RBM26: variants seen among roughly 807,000 people sequenced by gnomAD.
RBM26 encodes RNA-binding protein 26.
RBM26 carries 30 observed loss-of-function variants against 123.6 expected under a neutral mutation model. That is an observed-to-expected ratio of 0.24 (90% CI 0.18 to 0.33). RBM26 has a LOEUF of 0.33. Among genes scored for constraint, RBM26 ranks in the 10% least tolerant of loss-of-function variants. RBM26 has a pLI of 1.00. For missense variants in RBM26, 947 were observed against 1,203.6 expected, an observed-to-expected ratio of 0.79 and a Z score of 3.15; for synonymous variants, 400 against 404.4, an observed-to-expected ratio of 0.99 and a Z score of 0.13.
intron 3 of RBM26, among the ~76,000 whole-genome samples, chr13:79,373,533 T>TTA (rs1488579923): frequency 7.8e-5 from 2 of 25,602 alleles, no homozygotes; most frequent in Non-Finnish European, 1.5e-4. Context: ...CTATATATAT[T>TTA]TATATAATAT....
intron 9 of RBM26, among the ~76,000 whole-genome samples, chr13:79,365,310 T>C (rs558535445): frequency 1.5e-3 from 226 of 152,180 alleles, no homozygotes; most frequent in African/African-American, 5.2e-3. Flanking sequence ...CTGGGCATGG[T>C]GGCAGGCACT....
intron 20 of RBM26, among the ~76,000 whole-genome samples, chr13:79,328,189 A>G (rs1364306939): frequency 6.6e-6 from 1 of 152,136 alleles, no homozygotes; most frequent in African/African-American, 2.4e-5. Context: ...CAAGATTCTG[A>G]AAGTGAGTAA....
chr13:79,365,077 C>A (rs149739026), intron 9 of RBM26, among the ~76,000 whole-genome samples: 10 of 152,032 alleles, frequency 6.6e-5, no homozygotes, highest in African/African-American at 2.2e-4. Flanking sequence ...AAAGTGTCAC[C>A]TCTACCACAA....
chr13:79,359,172 C>A (rs549988546), intron 10 of RBM26, among the ~76,000 whole-genome samples: 2 of 152,148 alleles, frequency 1.3e-5, no homozygotes, highest in African/African-American at 2.4e-5. Flanking sequence ...CTCCAACCCC[C>A]ACAAAAGCCC....
intron 11 of RBM26, among the ~76,000 whole-genome samples, chr13:79,357,973 C>T (rs1279038361): frequency 6.6e-6 from 1 of 151,532 alleles, no homozygotes; most frequent in Non-Finnish European, 1.5e-5. Flanking sequence ...ACCTTAGCCT[C>T]CCAGATTCAA....
intron 11 of RBM26, 61 bp downstream of exon 11, chr13:79,358,213 T>C: frequency 7.4e-7 from 1 of 1,349,842 alleles, no homozygotes; most frequent in East Asian, 2.5e-5. Context: ...GGTAGTTTTC[T>C]TATTACATTA....
At chr13:79,372,200 A>C (rs9530905) in intron 3 of RBM26, among the ~76,000 whole-genome samples, 54,803 of 152,040 alleles carry the variant, frequency 0.36, 11,597 homozygotes, top group Middle Eastern at 0.52. Context: ...AATCGCTTGA[A>C]CCTGGCAGGC....
chr13:79,322,722 A>C (rs2067827188), intron 20 of RBM26, among the ~76,000 whole-genome samples: 1 of 151,576 alleles, frequency 6.6e-6, no homozygotes, highest in African/African-American at 2.4e-5. Flanking sequence ...TTCTCATAAT[A>C]AAATATAGCT....
At chr13:79,368,689 A>T in intron 6 of RBM26, 41 bp downstream of exon 6, 3 of 1,569,082 alleles carry the variant, frequency 1.9e-6, no homozygotes, top group Non-Finnish European at 2.6e-6. Context: ...GGCAGCTGGA[A>T]ATATTAATTA....
At position 79,337,274 on chromosome 13, in the gene RBM26, C is replaced by A. The variant is rs1171276644; in HGVS notation, c.2561G>T (p.Gly854Val). Residue 854 changes from glycine to valine, a missense_variant, in exon 19 of 22, where the codon GGT becomes GTT. Gly to Val is a moderately radical substitution (Grantham distance 109). This residue lies in a region of RBM26 where 164 missense variants were observed against 215.3 expected (regional missense o/e 0.76). Coordinates refer to ENST00000438737, the MANE Select transcript of RBM26 (RefSeq NM_001366735.2). ...TCTTGAATGAATTCCTCTGCCCCGA[C>A]CAGATGAAAGAATCCCTCGTTTGGC... ...EAAKRGILSS[G>V]RGRGIHSRGR... is the part of the protein sequence containing the mutation. 1 of 1,614,124 alleles carries A rather than the reference C, an allele frequency of 6.2e-7. No individual in the cohort carries two copies. The highest frequency in any genetic ancestry group is 1.7e-5 in the Admixed American group (1 of 60,006).
chr13:79,404,657 T>G (rs2079362239), intron 1 of RBM26, among the ~76,000 whole-genome samples: 1 of 152,162 alleles, frequency 6.6e-6, no homozygotes, highest in Non-Finnish European at 1.5e-5. Context: ...GCTCTTCCTT[T>G]TGCAAGGAAT....
At position 79,320,383 on chromosome 13, in the gene RBM26, A is replaced by C. The variant is rs1317426335; in HGVS notation, c.*238T>G. ...TGTCCAGTAGAAGTATGTAATAAAA[A>C]CATTGCATATGTTTCTAGTGTGATG... On this transcript the variant is annotated 3_prime_UTR_variant, in exon 22 of 22. Coordinates refer to ENST00000438737, the MANE Select transcript of RBM26 (RefSeq NM_001366735.2). 2.3e-5 allele frequency: 26 copies of C among 1,129,390 alleles called. No individual in the cohort carries two copies. The highest frequency in any genetic ancestry group is 2.5e-5 in the Non-Finnish European group (23 of 921,432). 70.0% of individuals were successfully genotyped at this position (1,129,390 alleles called of 1,614,324 possible). A position where few individuals can be genotyped will look rare whatever the true frequency, so the allele number is the denominator to read the frequency against.
intron 4 of RBM26, among the ~76,000 whole-genome samples, 157 bp from the exon 5 acceptor site, chr13:79,371,319 TC>T (rs1423992182): frequency 6.6e-6 from 1 of 152,184 alleles, no homozygotes; most frequent in African/African-American, 2.4e-5. Flanking sequence ...GTACTTTAAA[TC>T]CCTTTTAAAT....
intron 1 of RBM26, among the ~76,000 whole-genome samples, chr13:79,393,526 C>T (rs997806623): frequency 3.3e-5 from 5 of 152,198 alleles, no homozygotes; most frequent in Non-Finnish European, 7.3e-5. Flanking sequence ...CAGCAGGTAA[C>T]ATACATCAGT....
chr13:79,365,554 G>C, intron 9 of RBM26, 24 bp downstream of exon 9: 1 of 1,582,570 alleles, frequency 6.3e-7, no homozygotes, highest in Non-Finnish European at 8.7e-7. Flanking sequence ...GAAAATGACA[G>C]GAAGGAAAGA....
At chr13:79,341,042 G>A (rs1031020630) in intron 18 of RBM26, 81 bp downstream of exon 18, 2 of 718,442 alleles carry the variant, frequency 2.8e-6, no homozygotes, top group East Asian at 2.7e-5. Flanking sequence ...AGAATGAAGG[G>A]AAGGGAATAT....
At chr13:79,392,834 G>T (rs547351339) in intron 1 of RBM26, among the ~76,000 whole-genome samples, 1 of 149,546 alleles carries the variant, frequency 6.7e-6, no homozygotes, top group East Asian at 1.9e-4. Context: ...CTATATTCTA[G>T]AAAGTGACAA....
intron 3 of RBM26, among the ~76,000 whole-genome samples, chr13:79,375,013 A>C (rs969928202): frequency 7.7e-6 from 1 of 129,560 alleles, no homozygotes; most frequent in Non-Finnish European, 1.7e-5. Context: ...CATATAATAT[A>C]TATATTATAT....
At chr13:79,350,276 A>G (rs1355659704) in intron 14 of RBM26, among the ~76,000 whole-genome samples, 1 of 152,192 alleles carries the variant, frequency 6.6e-6, no homozygotes, top group African/African-American at 2.4e-5. Flanking sequence ...CATAAATCTG[A>G]TATTTAAAGC....
Sources: allele counts gnomAD v4.1 joint callset (sites outside exome capture counted in the v4.1 genomes callset), GRCh38; gene constraint gnomAD v4.1.1; regional missense constraint gnomAD v4.1.1; transcripts MANE v1.5; gene names NCBI Gene and HGNC (gene_info 2026-07-23, HGNC 2026-07-21).